ATAD5: variants seen among roughly 807,000 people sequenced by gnomAD.
ATAD5 encodes the protein ATPase family AAA domain-containing protein 5.
A neutral mutation model predicts 176.9 loss-of-function variants in ATAD5; 58 were observed. The observed-to-expected ratio is 0.33, with a 90% CI of 0.27 to 0.41. ATAD5 has a LOEUF of 0.41. Ranked by LOEUF, ATAD5 falls within the 10% of genes least tolerant of loss-of-function variation. The pLI is 1.00. For missense variants in ATAD5, 1,789 were observed against 2,094.1 expected, an observed-to-expected ratio of 0.85 and a Z score of 2.84; for synonymous variants, 640 against 712.6, an observed-to-expected ratio of 0.90 and a Z score of 1.62.
chr17:30,859,872 C>CGTGT (rs1907518466), intron 9 of ATAD5, among the ~76,000 whole-genome samples: 1 of 145,300 alleles, frequency 6.9e-6, no homozygotes, highest in African/African-American at 2.5e-5. Context: ...TACAGGCACA[C>CGTGT]GCCACCATGC....
chr17:30,843,567 T>C (rs1906267693), intron 4 of ATAD5, among the ~76,000 whole-genome samples: 1 of 151,690 alleles, frequency 6.6e-6, no homozygotes, highest in Non-Finnish European at 1.5e-5. Context: ...GGAGAATCAC[T>C]TGAACACGGG....
intron 2 of ATAD5, among the ~76,000 whole-genome samples, chr17:30,836,726 C>T (rs1422814398): frequency 6.6e-6 from 1 of 151,928 alleles, no homozygotes; most frequent in Non-Finnish European, 1.5e-5. Flanking sequence ...TGCCACCATA[C>T]CCGGCTGATC....
chr17:30,881,650 C>T (rs1909017911), intron 18 of ATAD5, among the ~76,000 whole-genome samples: 2 of 151,400 alleles, frequency 1.3e-5, no homozygotes, highest in South Asian at 4.2e-4. Flanking sequence ...CAGTGGCTCA[C>T]ACCTGTAATC....
At position 30,835,167 on chromosome 17, in the gene ATAD5, G is replaced by A. The variant is rs1905639289; in HGVS notation, c.1086G>A (p.Gln362=). 6.2e-7 allele frequency: 1 copy of A among 1,613,938 alleles called. No individual in the cohort carries two copies. Among genetic ancestry groups the A allele is most frequent in the African/African-American group, 1.3e-5 (1 of 74,914 alleles). Residue 362 remains glutamine, a synonymous_variant, in exon 2 of 23, where the codon CAG becomes CAA. Transcript: ENST00000321990. ...GTTTATCTGATCCTGAGAATGAACA[G>A]ACAGTTCAGAAAAGAAAATCTAATG... is the stretch of plus-strand genomic sequence containing the variant. ...ENSLSDPENE[Q]TVQKRKSNVV... is the part of the protein sequence containing the mutation.
intron 8 of ATAD5, among the ~76,000 whole-genome samples, 153 bp downstream of exon 8, chr17:30,857,265 C>G (rs1357132930): frequency 6.6e-6 from 1 of 151,686 alleles, no homozygotes; most frequent in Admixed American, 6.6e-5. Flanking sequence ...GTTGCCCAGG[C>G]TGGAGTGCAG....
Position 30,893,561 on chromosome 17 carries a change from T to C in ATAD5, c.4708T>C (p.Leu1570=), listed in dbSNP as rs754053846. The change falls in exon 21 of 23, where the codon TTG becomes CTG. Residue 1570 remains leucine, a synonymous_variant. Coordinates refer to ENST00000321990, the MANE Select transcript of ATAD5 (RefSeq NM_024857.5). ...KSQKKKQKKT[L]VILDDSDLFD... ...CCAGAAAAAGAAACAAAAGAAAACATTGGTAATATTAGATGATAGTGATCT... is the reference window on the plus strand; with the variant it reads ...CCAGAAAAAGAAACAAAAGAAAACACTGGTAATATTAGATGATAGTGATCT... The C allele has an allele frequency of 1.7e-5, 28 of 1,612,882 alleles. No homozygotes were observed. In the Middle Eastern group the frequency reaches 2.0e-3, roughly 114 times the overall value.
intron 6 of ATAD5, among the ~76,000 whole-genome samples, chr17:30,847,717 ATT>A (rs755487967): frequency 1.5e-4 from 15 of 101,652 alleles, no homozygotes; most frequent in African/African-American, 3.8e-4. Context: ...TGCTATGAAC[ATT>A]TTTTTTTTTT....
In ATAD5 at chr17:30,851,350, G is replaced by C. The variant is rs182235637; in HGVS notation, c.2451-3793G>C. Among the ~76,000 whole-genome samples the C allele has an allele frequency of 8.7e-3, 1,313 of 151,094 alleles. 25 individuals are homozygous for C. Among genetic ancestry groups the C allele is most frequent in the African/African-American group, 0.031 (1,260 of 41,282 alleles). On this transcript the variant is annotated intron_variant, in intron 6 of 22. Coordinates refer to ENST00000321990, the MANE Select transcript of ATAD5 (RefSeq NM_024857.5). ...TCTCTACTAAAAATACAAAAAATTA[G>C]CCAGGCGTGGTGGCGGGCGCCTGTA... is the stretch of plus-strand genomic sequence containing the variant.
intron 1 of ATAD5, among the ~76,000 whole-genome samples, chr17:30,833,847 AT>A (rs1246101224): frequency 6.6e-6 from 1 of 151,936 alleles, no homozygotes; most frequent in African/African-American, 2.4e-5. Context: ...TGCTCAGCTA[AT>A]TTTTTGTATT....
At chr17:30,865,222 G>A (rs187784306) in intron 10 of ATAD5, among the ~76,000 whole-genome samples, 48 of 148,462 alleles carry the variant, frequency 3.2e-4, no homozygotes, top group African/African-American at 1.0e-3. Flanking sequence ...GCCCAGGCTA[G>A]AGTGCAGTGG....
At chr17:30,858,840 C>T (rs1442569552) in intron 9 of ATAD5, among the ~76,000 whole-genome samples, 1 of 152,172 alleles carries the variant, frequency 6.6e-6, no homozygotes. Flanking sequence ...GCCACTGCAC[C>T]TAGCTTATTT....
intron 6 of ATAD5, among the ~76,000 whole-genome samples, chr17:30,846,396 G>GTTTTTTTTTTTTTTTTTTTTTTT (rs11324585): frequency 7.0e-6 from 1 of 143,272 alleles, no homozygotes; most frequent in African/African-American, 2.6e-5. Context: ...AGAGTTTGAG[G>GTTTTTTTTTTTTTTTTTTTTTTT]TTTTTTTTTT....
chr17:30,869,173 T>G (rs1908192060), intron 12 of ATAD5, 75 bp from the exon 13 acceptor site: 2 of 1,501,766 alleles, frequency 1.3e-6, no homozygotes, highest in Non-Finnish European at 9.0e-7. Context: ...TTGTGGGATT[T>G]GATCACTGGG....
chr17:30,872,803 G>A lies in ATAD5; in HGVS notation c.3607+3157G>A, dbSNP rs527363187. On this transcript the variant is annotated intron_variant, in intron 14 of 22. Coordinates refer to ENST00000321990, the MANE Select transcript of ATAD5 (RefSeq NM_024857.5). ...AAATTCCTGACCTTGTGATCTGCCC[G>A]CCTCGGTCTCCCAGAGTGCTGGGAT... 3.3e-5 allele frequency among the ~76,000 whole-genome samples: 5 copies of A among 152,080 alleles called. No individual in the cohort carries two copies. The East Asian group carries it at 5.8e-4, about 18-fold the overall frequency.
Position 30,894,580 on chromosome 17 carries a change from A to G in ATAD5, c.5314A>G (p.Ile1772Val). The G allele has an allele frequency of 1.9e-6, 3 of 1,607,818 alleles. No individual in the cohort carries two copies. The highest frequency in any genetic ancestry group is 2.5e-6 in the Non-Finnish European group (3 of 1,178,466). Residue 1772 changes from isoleucine (I) to valine (V), a missense_variant, in exon 22 of 23, where the codon ATA becomes GTA. Physicochemically the swap from Ile to Val is conservative, Grantham distance 29. Around this residue, in one of 6 missense-constraint regions of ATAD5, gnomAD observed 403 missense variants for 495.1 expected, o/e 0.81. Coordinates refer to ENST00000321990, the MANE Select transcript of ATAD5 (RefSeq NM_024857.5). ...AANLDNAWKR[I>V]SVIKSVFSSR... ...CTTTTACAGCAATGCTTGGAAGAGG[A>G]TATCAGTCATTAAAAGTGTATTTTC...
intron 19 of ATAD5, among the ~76,000 whole-genome samples, chr17:30,887,816 T>C (rs762206484): frequency 6.6e-6 from 1 of 151,826 alleles, no homozygotes; most frequent in Non-Finnish European, 1.5e-5. Context: ...ACCCTATCTC[T>C]AAAAAAAGAA....
At chr17:30,851,741 C>G (rs1188550137) in intron 6 of ATAD5, among the ~76,000 whole-genome samples, 1 of 152,140 alleles carries the variant, frequency 6.6e-6, no homozygotes, top group Non-Finnish European at 1.5e-5. Context: ...CACCACCACA[C>G]CTGGCTAATT....
At chr17:30,856,804 G>A in intron 7 of ATAD5, 151 bp from the exon 8 acceptor site, 1 of 579,684 alleles carries the variant, frequency 1.7e-6, no homozygotes, top group Non-Finnish European at 2.7e-6. Flanking sequence ...TTGTTGGAGG[G>A]TAGGATTTTG....
intron 6 of ATAD5, among the ~76,000 whole-genome samples, chr17:30,849,032 G>A (rs183666528): frequency 3.3e-5 from 5 of 152,104 alleles, no homozygotes; most frequent in South Asian, 2.1e-4. Context: ...CACCATGCTC[G>A]GCTAATTTTT....
Sources: gnomAD v4.1 joint callset for allele counts (sites outside exome capture counted in the v4.1 genomes callset) on GRCh38, gnomAD v4.1.1 for gene constraint, gnomAD v4.1.1 regional missense constraint, MANE v1.5 for transcripts, NCBI Gene and HGNC (gene_info 2026-07-23, HGNC 2026-07-21) for gene names.